Variants in ASAH2B observed in about 807,000 individuals in gnomAD.
ASAH2B encodes putative inactive neutral ceramidase B.
A neutral mutation model predicts 2.9 loss-of-function variants in ASAH2B; 1 was observed. The ratio of observed to expected loss-of-function variants is 0.34; its 90% CI spans 0.12 to 1.63. The LOEUF (loss-of-function observed/expected upper bound fraction) is 1.63. Among genes scored for constraint, ASAH2B ranks in the 40% most tolerant of loss-of-function variants. ASAH2B has a pLI of 0.36. For synonymous variants in ASAH2B, 4 were observed against 13.3 expected, an observed-to-expected ratio of 0.30 and a Z score of 1.52; for missense variants, 9 against 37.7, an observed-to-expected ratio of 0.24 and a Z score of 1.99.
At position 50,755,902 on chromosome 10, in the gene ASAH2B, C is replaced by G. The variant is rs1296152715; in HGVS notation, c.*1162C>G. Reference sequence around the variant, plus strand: ...AATCTTCAAGTTATATCTTGTGTATCATCTGTGTTGGATACTCTAATTTGG... The same window carrying G: ...AATCTTCAAGTTATATCTTGTGTATGATCTGTGTTGGATACTCTAATTTGG... On this transcript the variant is annotated 3_prime_UTR_variant, in exon 6 of 6. Transcript: ENST00000647317. 6.6e-6 allele frequency: 1 copy of G among 151,492 alleles called. No individual in the cohort carries two copies. The highest frequency in any genetic ancestry group is 1.5e-5 in the Non-Finnish European group (1 of 67,654). The allele number at this position is 151,492 out of a possible 1,614,324, so 9.4% of individuals were successfully genotyped here.
intron 3 of ASAH2B, among the ~76,000 whole-genome samples, chr10:50,746,713 T>C (rs1839910763): frequency 6.7e-6 from 1 of 150,032 alleles, no homozygotes; most frequent in South Asian, 2.1e-4. Flanking sequence ...TTAGGTGATA[T>C]CTTGTTGTAG....
At chr10:50,744,424 C>A (rs1839877565) in intron 2 of ASAH2B, among the ~76,000 whole-genome samples, 1 of 151,262 alleles carries the variant, frequency 6.6e-6, no homozygotes, top group Non-Finnish European at 1.5e-5. Context: ...TAATACATAA[C>A]CTATCTCATA....
chr10:50,740,848 G>C (rs2132716942), intron 1 of ASAH2B, among the ~76,000 whole-genome samples: 2 of 152,238 alleles, frequency 1.3e-5, no homozygotes, highest in South Asian at 4.2e-4. Context: ...GTAAGTCCAT[G>C]GGGTCTCCAG....
intron 3 of ASAH2B, among the ~76,000 whole-genome samples, chr10:50,748,687 G>C (rs1459666277): frequency 6.6e-6 from 1 of 150,486 alleles, no homozygotes; most frequent in African/African-American, 2.5e-5. Flanking sequence ...AGACTGTTTG[G>C]CTTTTGTGGA....
Position 50,756,781 on chromosome 10 carries a change from C to T in ASAH2B, c.*2041C>T, listed in dbSNP as rs1390327657. 1 of 151,754 alleles carries T rather than the reference C, an allele frequency of 6.6e-6. No individual in the cohort carries two copies. Among genetic ancestry groups the T allele is most frequent in the Non-Finnish European group, 1.5e-5 (1 of 67,768 alleles). 9.4% of individuals were successfully genotyped at this position (151,754 alleles called of 1,614,324 possible). On this transcript the variant is annotated 3_prime_UTR_variant, in exon 6 of 6. Transcript: ENST00000647317. ...TCATGTGTAAAAATAAAACCAAATT[C>T]CTGGATTATCAATATCAGTTCTTTA...
intron 3 of ASAH2B, among the ~76,000 whole-genome samples, chr10:50,746,807 G>A (rs532113954): frequency 6.6e-5 from 10 of 151,454 alleles, no homozygotes; most frequent in African/African-American, 2.4e-4. Flanking sequence ...CTTCTTTGGA[G>A]AAATGTTTAT....
intron 3 of ASAH2B, among the ~76,000 whole-genome samples, chr10:50,746,229 A>G (rs1564470965): frequency 1.3e-5 from 2 of 151,494 alleles, no homozygotes; most frequent in Admixed American, 6.6e-5. Context: ...TGAAGGTTCT[A>G]TATATAAGTG....
intron 1 of ASAH2B, among the ~76,000 whole-genome samples, chr10:50,741,311 G>GAT (rs1171338695): frequency 2.6e-5 from 4 of 152,162 alleles, no homozygotes; most frequent in Non-Finnish European, 4.4e-5. Flanking sequence ...TCATTCAACA[G>GAT]ATGTATTGTG....
At chr10:50,746,810 A>G (rs1839912306) in intron 3 of ASAH2B, among the ~76,000 whole-genome samples, 1 of 151,444 alleles carries the variant, frequency 6.6e-6, no homozygotes, top group Admixed American at 6.6e-5. Flanking sequence ...CTTTGGAGAA[A>G]TGTTTATTCA....
chr10:50,742,820 A>T (rs1839850167), intron 1 of ASAH2B, 95 bp from the exon 2 acceptor site: 1 of 1,189,042 alleles, frequency 8.4e-7, no homozygotes, highest in East Asian at 2.3e-5. Flanking sequence ...GAATAATGTG[A>T]GATGTCAAGC....
At chr10:50,740,479 GT>G (rs35384657) in intron 1 of ASAH2B, among the ~76,000 whole-genome samples, 1 of 152,134 alleles carries the variant, frequency 6.6e-6, no homozygotes, top group African/African-American at 2.4e-5. Flanking sequence ...TTCCGCTCGT[GT>G]TGTGTGTCTG....
At chr10:50,742,625 T>A (rs979292552) in intron 1 of ASAH2B, among the ~76,000 whole-genome samples, 29 of 152,166 alleles carry the variant, frequency 1.9e-4, no homozygotes, top group African/African-American at 5.8e-4. Context: ...CAAGTACTTA[T>A]AATAGACTAA....
At chr10:50,748,465 T>C (rs1839939517) in intron 3 of ASAH2B, among the ~76,000 whole-genome samples, 1 of 149,612 alleles carries the variant, frequency 6.7e-6, no homozygotes, top group Non-Finnish European at 1.5e-5. Flanking sequence ...TTTTGAATTA[T>C]GAGGTTTTCC....
intron 2 of ASAH2B, among the ~76,000 whole-genome samples, chr10:50,744,117 T>C (rs1164590302): frequency 1.3e-5 from 2 of 151,576 alleles, no homozygotes; most frequent in African/African-American, 4.9e-5. Context: ...TTATTTCTAT[T>C]ATAAAATCCA....
intron 4 of ASAH2B, among the ~76,000 whole-genome samples, chr10:50,749,722 A>ATT (rs1398685648): frequency 6.6e-5 from 10 of 152,118 alleles, no homozygotes; most frequent in Non-Finnish European, 1.2e-4. Flanking sequence ...ATGATGTTTC[A>ATT]GTCAAAGATG....
In ASAH2B at chr10:50,758,701, T is replaced by C. The variant is rs1304973795; in HGVS notation, c.*3961T>C. 6.6e-6 allele frequency: 1 copy of C among 152,152 alleles called. No homozygotes were observed. Among genetic ancestry groups the C allele is most frequent in the Non-Finnish European group, 1.5e-5 (1 of 67,988 alleles). The allele number at this position is 152,152 out of a possible 1,614,324, so 9.4% of individuals were successfully genotyped here. On this transcript the variant is annotated 3_prime_UTR_variant, in exon 6 of 6. Transcript: ENST00000647317. ...TGTATACGTTCCTTTAACAGATTTA[T>C]ATCAAGCACCTATATACTTTATGGC... is the stretch of plus-strand genomic sequence containing the variant.
intron 3 of ASAH2B, among the ~76,000 whole-genome samples, chr10:50,747,106 C>T (rs1197464538): frequency 6.8e-6 from 1 of 147,164 alleles, no homozygotes; most frequent in African/African-American, 2.5e-5. Flanking sequence ...GGAACTTTTC[C>T]TCTAGGTTTT....
rs1837138166 is a variant in ASAH2B, at chr10:50,758,480, T to TGG, written c.*3740_*3741insGG. ...AAGCTTCCACATTACTGTGCATTTT[T>TGG]CACTGGGCAGGTGACAGAACCAGGA... is the stretch of plus-strand genomic sequence containing the variant. On this transcript the variant is annotated 3_prime_UTR_variant, in exon 6 of 6. Transcript: ENST00000647317. The TGG allele has an allele frequency of 1.4e-5, 2 of 143,580 alleles. No homozygotes were observed. The highest frequency in any genetic ancestry group is 3.0e-5 in the Non-Finnish European group (2 of 65,602). 8.9% of individuals were successfully genotyped at this position (143,580 alleles called of 1,614,324 possible).
In ASAH2B at chr10:50,759,167, G is replaced by GTAT. The variant is rs2132740669; in HGVS notation, c.*4430_*4432dup. ...TAAATAGCAATTTGGTTTTATACTT[G>GTAT]TATTAGCATTTTTCCCCCTTGACAT... is the stretch of plus-strand genomic sequence containing the variant. On this transcript the variant is annotated 3_prime_UTR_variant, in exon 6 of 6. Transcript: ENST00000647317. 1.1e-5 allele frequency: 1 copy of GTAT among 90,126 alleles called. No homozygotes were observed. Among genetic ancestry groups the GTAT allele is most frequent in the African/African-American group, 2.6e-5 (1 of 38,884 alleles). 5.6% of individuals were successfully genotyped at this position (90,126 alleles called of 1,614,324 possible).
Sources: allele counts gnomAD v4.1 joint callset (sites outside exome capture counted in the v4.1 genomes callset), GRCh38; gene constraint gnomAD v4.1.1; transcripts MANE v1.5; gene names NCBI Gene and HGNC (gene_info 2026-07-23, HGNC 2026-07-21).